The following LRRC56 variants were observed in gnomAD, a reference collection of about 807,000 sequenced individuals.
LRRC56 encodes the protein leucine-rich repeat-containing protein 56.
LRRC56 carries 41 observed loss-of-function variants against 47.8 expected under a neutral mutation model. That is an observed-to-expected ratio of 0.86 (90% CI 0.67 to 1.11). The LOEUF is 1.11. Ranked by LOEUF, LRRC56 falls within the 50% of genes most tolerant of loss-of-function variation. The probability of loss-of-function intolerance (pLI) is 0.00; values close to 1 mark genes in which losing one functional copy is unlikely to be tolerated. For missense variants in LRRC56, 759 were observed against 704.2 expected (o/e 1.08, Z -0.88); for synonymous variants, 387 against 311.2 (o/e 1.24, Z -2.56).
chr11:536,729 CCACTGCACTGGGCAACAGAG>C (rs1299978708), upstream of LRRC56: 2 of 152,302 alleles, frequency 1.3e-5, no homozygotes, highest in African/African-American at 4.8e-5. Context: ...CGAAATCGCG[CCACTGCACTGGGCAACAGAG>C]CGCTACTTCG....
At chr11:531,507 G>A in the LRRC56 span, among the ~76,000 whole-genome samples, 3 of 152,210 alleles carry the variant, frequency 2.0e-5, no homozygotes, top group East Asian at 3.8e-4. Flanking sequence ...GGGTGGCAGA[G>A]CCTGTGTATA....
At chr11:515,824 T>A in the LRRC56 span, among the ~76,000 whole-genome samples, 1 of 151,918 alleles carries the variant, frequency 6.6e-6, no homozygotes, top group Non-Finnish European at 1.5e-5. Flanking sequence ...GGCGAGAGAG[T>A]GAGACTCCAT....
chr11:517,393 T>TG, the LRRC56 span, among the ~76,000 whole-genome samples: 28 of 142,748 alleles, frequency 2.0e-4, no homozygotes, highest in African/African-American at 5.4e-4. Context: ...GTCTGGGAGG[T>TG]GGGGGGCGCC....
At chr11:547,462 C>G (rs529304317) in intron 6 of LRRC56, among the ~76,000 whole-genome samples, 2 of 151,986 alleles carry the variant, frequency 1.3e-5, no homozygotes, top group African/African-American at 4.8e-5. Context: ...ACGCCATTCC[C>G]CTGCCTCAGC....
chr11:512,758 T>A, the LRRC56 span, among the ~76,000 whole-genome samples: 1 of 152,228 alleles, frequency 6.6e-6, no homozygotes, highest in African/African-American at 2.4e-5. Context: ...TCCATGCCAT[T>A]TAAAGTAATG....
the LRRC56 span, among the ~76,000 whole-genome samples, chr11:530,024 G>A: frequency 6.6e-6 from 1 of 152,168 alleles, no homozygotes; most frequent in Non-Finnish European, 1.5e-5. Context: ...CCCCAGATCA[G>A]GACACACCCC....
At chr11:531,679 G>C in the LRRC56 span, among the ~76,000 whole-genome samples, 2 of 152,206 alleles carry the variant, frequency 1.3e-5, no homozygotes, top group African/African-American at 2.4e-5. Context: ...GGGATGGCCA[G>C]GCTCCCACGC....
the LRRC56 span, among the ~76,000 whole-genome samples, chr11:511,701 G>A: frequency 1.3e-5 from 2 of 152,188 alleles, no homozygotes; most frequent in African/African-American, 2.4e-5. Context: ...TGCTGATGTG[G>A]GGGCCTCAGA....
At chr11:550,949 C>T (rs1205124429) in intron 8 of LRRC56, among the ~76,000 whole-genome samples, 182 bp from the exon 9 acceptor site, 1 of 152,134 alleles carries the variant, frequency 6.6e-6, no homozygotes, top group Non-Finnish European at 1.5e-5. Flanking sequence ...AGAGCCCAGT[C>T]CCTCAGTCCC....
upstream of LRRC56, chr11:536,805 T>C (rs1358785126): frequency 1.3e-5 from 2 of 152,294 alleles, no homozygotes; most frequent in South Asian, 2.1e-4. Context: ...ACCCTGCCTC[T>C]GCCCAGTCCA....
intron 4 of LRRC56, 123 bp downstream of exon 4, chr11:540,984 G>A (rs1851766845): frequency 2.3e-6 from 2 of 864,254 alleles, no homozygotes; most frequent in Middle Eastern, 7.1e-4. Context: ...CCTGCTGATG[G>A]TTGGCCTCAG....
At chr11:507,812 C>G in the LRRC56 span, among the ~76,000 whole-genome samples, 1 of 152,252 alleles carries the variant, frequency 6.6e-6, no homozygotes, top group Non-Finnish European at 1.5e-5. Flanking sequence ...GCTGCCCGTC[C>G]TGGCCACTGG....
the LRRC56 span, among the ~76,000 whole-genome samples, chr11:518,667 C>A: frequency 6.6e-6 from 1 of 152,116 alleles, no homozygotes; most frequent in East Asian, 1.9e-4. Context: ...ATTCCCATAA[C>A]CCAGGGGAGG....
the LRRC56 span, among the ~76,000 whole-genome samples, chr11:523,688 T>G: frequency 1.3e-5 from 2 of 149,968 alleles, no homozygotes; most frequent in Non-Finnish European, 3.0e-5. Context: ...ATTCCAGCAC[T>G]TTGGGAGGCC....
At chr11:510,057 A>T in the LRRC56 span, among the ~76,000 whole-genome samples, 1 of 151,850 alleles carries the variant, frequency 6.6e-6, no homozygotes, top group Non-Finnish European at 1.5e-5. Flanking sequence ...GATCTGAGGG[A>T]TGCTGCCCTT....
Position 552,257 on chromosome 11 carries a change from C to T in LRRC56, c.1181+25C>T, listed in dbSNP as rs374359911. The T allele has an allele frequency of 4.8e-5, 77 of 1,600,214 alleles. No homozygotes were observed. In the Middle Eastern group the frequency reaches 6.7e-4, roughly 14 times the overall value. ...GGTGGGTGTCCCTCCAGCTCTTCCA[C>T]TGGGTGTGTCCTGTCCCGTGGGGAA... is the stretch of plus-strand genomic sequence containing the variant. On this transcript the variant is annotated intron_variant, in intron 12 of 13. Coordinates refer to ENST00000270115, the MANE Select transcript of LRRC56 (RefSeq NM_198075.4).
At chr11:533,907 G>C (rs1448375861), upstream of LRRC56, 1 of 1,613,084 alleles carries the variant, frequency 6.2e-7, no homozygotes, top group Non-Finnish European at 8.5e-7. Flanking sequence ...CAACAGGCAC[G>C]TCTCCCCATC....
chr11:552,501 A>T, intron 12 of LRRC56, 68 bp from the exon 13 acceptor site: 1 of 1,413,294 alleles, frequency 7.1e-7, no homozygotes, highest in Non-Finnish European at 9.7e-7. Flanking sequence ...AGGCTCATGG[A>T]CCATCCCTAT....
At chr11:534,522 G>A (rs1851336551), upstream of LRRC56, 2 of 601,630 alleles carry the variant, frequency 3.3e-6, no homozygotes, top group African/African-American at 3.7e-5. Context: ...GCCTACCTGT[G>A]CAGCTGCAAC....
Sources: gnomAD v4.1 joint callset for allele counts (sites outside exome capture counted in the v4.1 genomes callset) on GRCh38, gnomAD v4.1.1 for gene constraint, MANE v1.5 for transcripts, NCBI Gene and HGNC (gene_info 2026-07-23, HGNC 2026-07-21) for gene names.